GIGYF2: variants seen among roughly 807,000 people sequenced by gnomAD.
The protein encoded by GIGYF2 is GRB10-interacting GYF protein 2.
In GIGYF2, 25 loss-of-function variants were observed where a neutral mutation model predicts 208.1. The ratio of observed to expected loss-of-function variants is 0.12; its 90% CI spans 0.09 to 0.17. The LOEUF is 0.17. Among genes scored for constraint, GIGYF2 ranks in the 10% least tolerant of loss-of-function variants. The pLI is 1.00. For missense variants in GIGYF2, 1,302 were observed against 1,579.4 expected (o/e 0.82, Z 2.98); for synonymous variants, 534 against 543.8 (o/e 0.98, Z 0.25).
chr2:232,768,152 T>C, intron 8 of GIGYF2: 2 of 1,604,402 alleles, frequency 1.2e-6, no homozygotes, highest in Non-Finnish European at 1.7e-6. Context: ...GCTGCATAAC[T>C]GGCTGGGTGT....
chr2:232,747,851 T>C, intron 4 of GIGYF2, 107 bp downstream of exon 4: 1 of 1,036,572 alleles, frequency 9.6e-7, no homozygotes, highest in East Asian at 2.5e-5. Flanking sequence ...TATTGACCCA[T>C]GCCTTTCCAC....
intron 2 of GIGYF2, among the ~76,000 whole-genome samples, chr2:232,733,065 G>C (rs1434834786): frequency 6.6e-6 from 1 of 152,072 alleles, no homozygotes; most frequent in Non-Finnish European, 1.5e-5. Context: ...GACCATCCTG[G>C]CTAACATGGT....
intron 2 of GIGYF2, chr2:232,729,749 T>C (rs1697365556): frequency 2.7e-6 from 2 of 752,458 alleles, no homozygotes; most frequent in Non-Finnish European, 2.5e-6. Context: ...ATCTGTCTTA[T>C]CATCCCAAGG....
At chr2:232,827,875 A>T (rs771078420) in intron 21 of GIGYF2, among the ~76,000 whole-genome samples, 1 of 152,268 alleles carries the variant, frequency 6.6e-6, no homozygotes, top group South Asian at 2.1e-4. Context: ...AGTATGTTGC[A>T]TTCTTTATTA....
intron 28 of GIGYF2, among the ~76,000 whole-genome samples, chr2:232,855,991 C>T (rs946349419): frequency 2.6e-5 from 4 of 151,894 alleles, no homozygotes; most frequent in African/African-American, 9.7e-5. Context: ...AGTGCAGTGG[C>T]GCGATCTCGG....
intron 26 of GIGYF2, among the ~76,000 whole-genome samples, chr2:232,847,062 A>G (rs1237424128): frequency 6.6e-6 from 1 of 152,218 alleles, no homozygotes; most frequent in African/African-American, 2.4e-5. Context: ...GTTCTTAAGG[A>G]AAGAATGAAT....
Position 232,761,442 on chromosome 2 carries a change from G to C in GIGYF2, c.532+6G>C. ...ACCAGGACGAAAAGATGTAGGTAAG[G>C]TTCTTACCTACACACATAAGGATAA... On this transcript the variant is annotated splice_donor_region_variant and intron_variant, in intron 8 of 28. Transcript: ENST00000373563. 8 of 1,543,348 alleles carry C rather than the reference G, an allele frequency of 5.2e-6. No individual in the cohort carries two copies. Among genetic ancestry groups the C allele is most frequent in the African/African-American group, 1.4e-5 (1 of 73,250 alleles).
chr2:232,835,681 C>T (rs1278228763), intron 22 of GIGYF2, among the ~76,000 whole-genome samples: 1 of 152,052 alleles, frequency 6.6e-6, no homozygotes, highest in African/African-American at 2.4e-5. Flanking sequence ...CCAGTTCTCC[C>T]CTCCTCCCCC....
intron 22 of GIGYF2, 45 bp from the exon 23 acceptor site, chr2:232,839,804 G>T (rs781718017): frequency 6.2e-7 from 1 of 1,608,458 alleles, no homozygotes; most frequent in South Asian, 1.1e-5. Flanking sequence ...TTTGTTTCCT[G>T]TCCACATTTC....
At position 232,790,731 on chromosome 2, in the gene GIGYF2, T is replaced by C. The variant is rs1442620387; in HGVS notation, c.746T>C (p.Met249Thr). 1.9e-6 allele frequency: 3 copies of C among 1,614,110 alleles called. No individual in the cohort carries two copies. The highest frequency in any genetic ancestry group is 2.5e-6 in the Non-Finnish European group (3 of 1,179,978). The change falls in exon 10 of 29, where the codon ATG (methionine) becomes ACG (threonine). Residue 249 changes from methionine to threonine, a missense_variant. This residue lies in a region of GIGYF2 where 189 missense variants were observed against 257.7 expected (regional missense o/e 0.73). Transcript: ENST00000373563. ...GPRSAGWREHMERRRRFEFDF... is the reference protein window; with the variant it reads ...GPRSAGWREHTERRRRFEFDF... ...CGTTCTGCAGGCTGGCGGGAACACA[T>C]GGAACGACGTCGGAGGTTTGAGTTT...
chr2:232,784,352 G>T lies in GIGYF2; in HGVS notation c.533-2798G>T, dbSNP rs952458418. ...AATTTAGCTGAGTGTGGTGGCATGT[G>T]CCTGAGGTTCTAGCTACTTACACGA... On this transcript the variant is annotated intron_variant, in intron 8 of 28. Transcript: ENST00000373563. Among the ~76,000 whole-genome samples the T allele has an allele frequency of 5.4e-5, 8 of 149,516 alleles. No homozygotes were observed. In the Admixed American group the frequency reaches 5.4e-4, roughly 10 times the overall value.
intron 2 of GIGYF2, chr2:232,731,145 G>A (rs1266487925): frequency 6.6e-6 from 1 of 152,052 alleles, no homozygotes; most frequent in African/African-American, 2.4e-5. Context: ...CTGGGGCTTC[G>A]TTTATATTTC....
chr2:232,780,525 A>G (rs1699677825), intron 8 of GIGYF2, among the ~76,000 whole-genome samples: 1 of 152,224 alleles, frequency 6.6e-6, no homozygotes, highest in Non-Finnish European at 1.5e-5. Context: ...TAAAATTCTG[A>G]CGAAAGCTGT....
chr2:232,819,675 A>G (rs1391552379), intron 20 of GIGYF2, 152 bp from the exon 21 acceptor site: 3 of 608,980 alleles, frequency 4.9e-6, no homozygotes, highest in Non-Finnish European at 9.0e-6. Context: ...TTACATGTAT[A>G]CTTTTTACTC....
At position 232,714,694 on chromosome 2, in the gene GIGYF2, C is replaced by T. The variant is rs201020109; in HGVS notation, c.-44+11205C>T. 4.6e-5 allele frequency among the ~76,000 whole-genome samples: 7 copies of T among 152,220 alleles called. No individual in the cohort carries two copies. In the East Asian group the frequency reaches 1.2e-3, roughly 25 times the overall value. ...CCCCAGCTGTTTTGTAGTCATTTTTCCTCCTCCACCACTGTTCTGTTTTCT... is the reference window on the plus strand; with the variant it reads ...CCCCAGCTGTTTTGTAGTCATTTTTTCTCCTCCACCACTGTTCTGTTTTCT... On this transcript the variant is annotated intron_variant, in intron 2 of 28. Transcript: ENST00000373563.
At chr2:232,708,671 T>TA (rs11365519) in intron 2 of GIGYF2, among the ~76,000 whole-genome samples, 3,496 of 120,354 alleles carry the variant, frequency 0.029, 61 homozygotes, top group Non-Finnish European at 0.034. Flanking sequence ...CTCATTTCTT[T>TA]AAAAAAAAAA....
chr2:232,814,431 C>T (rs560623227), intron 18 of GIGYF2, among the ~76,000 whole-genome samples: 5 of 151,548 alleles, frequency 3.3e-5, no homozygotes, highest in East Asian at 3.9e-4. Context: ...GGTGTGGTGT[C>T]GGGCACCTGT....
At chr2:232,842,044 T>A (rs906100102) in intron 23 of GIGYF2, among the ~76,000 whole-genome samples, 1 of 152,152 alleles carries the variant, frequency 6.6e-6, no homozygotes, top group African/African-American at 2.4e-5. Flanking sequence ...GTCACTGCAT[T>A]ACCTGGGCTG....
At position 232,858,676 on chromosome 2, in the gene GIGYF2, T is replaced by C; in HGVS notation, c.*1816T>C. On this transcript the variant is annotated 3_prime_UTR_variant, in exon 29 of 29. Coordinates refer to ENST00000373563, the MANE Select transcript of GIGYF2 (RefSeq NM_001103146.3). ...CCTTTATGGAGGCTGAGTTCTGCAC[T>C]AAACTGTTCCTCTTGGTACCATGGA... 2.5e-6 allele frequency: 1 copy of C among 399,620 alleles called. No homozygotes were observed. The highest frequency in any genetic ancestry group is 4.9e-6 in the Non-Finnish European group (1 of 203,836). The allele number at this position is 399,620 out of a possible 1,614,324, so 24.8% of individuals were successfully genotyped here. A position where few individuals can be genotyped will look rare whatever the true frequency, so the allele number is the denominator to read the frequency against.
Sources: gnomAD v4.1 joint callset for allele counts (sites outside exome capture counted in the v4.1 genomes callset) on GRCh38, gnomAD v4.1.1 for gene constraint, gnomAD v4.1.1 regional missense constraint, MANE v1.5 for transcripts, NCBI Gene and HGNC (gene_info 2026-07-23, HGNC 2026-07-21) for gene names.